SMCHD1: variants seen among roughly 807,000 people sequenced by gnomAD.
SMCHD1 encodes the protein structural maintenance of chromosomes flexible hinge domain-containing protein 1.
Under a neutral mutation model 254.7 loss-of-function variants are expected in SMCHD1, and 78 were observed. That is an observed-to-expected ratio of 0.31 (90% CI 0.26 to 0.37). The LOEUF (loss-of-function observed/expected upper bound fraction) is 0.37, where lower values mean the gene tolerates loss of function less well. Among genes scored for constraint, SMCHD1 ranks in the 10% least tolerant of loss-of-function variants. The pLI, the probability that SMCHD1 is intolerant of heterozygous loss-of-function variation, is 1.00. For missense variants in SMCHD1, 1,840 were observed against 2,408.1 expected, an observed-to-expected ratio of 0.76 and a Z score of 4.94; for synonymous variants, 766 against 794.9, an observed-to-expected ratio of 0.96 and a Z score of 0.61.
chr18:2,694,194 A>G (rs2074241636), intron 7 of SMCHD1, among the ~76,000 whole-genome samples: 1 of 152,184 alleles, frequency 6.6e-6, no homozygotes, highest in Non-Finnish European at 1.5e-5. Context: ...CGTTCATTCT[A>G]CCCTAGGGGT....
intron 17 of SMCHD1, among the ~76,000 whole-genome samples, chr18:2,709,512 A>G (rs1011595584): frequency 6.6e-6 from 1 of 152,128 alleles, no homozygotes; most frequent in Non-Finnish European, 1.5e-5. Flanking sequence ...CAGTTTCTCC[A>G]TGTCACCCCC....
In SMCHD1 at chr18:2,751,401, A is replaced by C; in HGVS notation, c.4281+8A>C. 6.7e-7 allele frequency: 1 copy of C among 1,495,554 alleles called. No individual in the cohort carries two copies. The highest frequency in any genetic ancestry group is 9.0e-7 in the Non-Finnish European group (1 of 1,107,960). The allele number at this position is 1,495,554 out of a possible 1,614,324, so 92.6% of individuals were successfully genotyped here. On this transcript the variant is annotated splice_region_variant and intron_variant, in intron 33 of 47. Coordinates refer to ENST00000320876, the MANE Select transcript of SMCHD1 (RefSeq NM_015295.3). ...AACCGACCCCCAGCAAATGTGAGTC[A>C]TGGGAAGCATTTTTTGAAGTTAAAA...
rs143271292 is a variant in SMCHD1, at chr18:2,765,611, A to G, written c.4719+1822A>G. On this transcript the variant is annotated intron_variant, in intron 37 of 47. Transcript: ENST00000320876. Reference sequence around the variant, plus strand: ...CTGCATTTCTAATTTATTTGGTGAAATCTAAAGATCTGTCAACACTGGGTG... The same window carrying G: ...CTGCATTTCTAATTTATTTGGTGAAGTCTAAAGATCTGTCAACACTGGGTG... Among the ~76,000 whole-genome samples, 727 of 152,284 alleles carry G rather than the reference A, an allele frequency of 4.8e-3. 3 individuals are homozygous for G. Among genetic ancestry groups the G allele is most frequent in the Admixed American group, 7.3e-3 (111 of 15,298 alleles).
chr18:2,682,285 G>A (rs988430293), intron 5 of SMCHD1, among the ~76,000 whole-genome samples: 5 of 150,104 alleles, frequency 3.3e-5, no homozygotes, highest in Non-Finnish European at 5.9e-5. Context: ...GATCCTCTTC[G>A]CTGATAACTT....
intron 17 of SMCHD1, among the ~76,000 whole-genome samples, chr18:2,715,287 G>C (rs1234464289): frequency 6.6e-6 from 1 of 152,094 alleles, no homozygotes; most frequent in African/African-American, 2.4e-5. Flanking sequence ...AGAAGGCTTT[G>C]ATCATTTTTT....
intron 7 of SMCHD1, among the ~76,000 whole-genome samples, chr18:2,691,485 A>G (rs1051711703): frequency 9.2e-5 from 14 of 152,184 alleles, no homozygotes; most frequent in Admixed American, 2.6e-4. Context: ...TTCTTGTTCT[A>G]TAGTCAACAG....
intron 5 of SMCHD1, among the ~76,000 whole-genome samples, chr18:2,674,415 A>G (rs905602290): frequency 6.6e-6 from 1 of 152,112 alleles, no homozygotes; most frequent in African/African-American, 2.4e-5. Context: ...CCCCTTTCCT[A>G]ACTCTGTATA....
At chr18:2,794,525 C>G (rs2076224750) in intron 45 of SMCHD1, among the ~76,000 whole-genome samples, 1 of 152,082 alleles carries the variant, frequency 6.6e-6, no homozygotes, top group Non-Finnish European at 1.5e-5. Context: ...AAACAAAAAA[C>G]TGAATAAACC....
At chr18:2,779,295 G>T (rs2076117639) in intron 44 of SMCHD1, among the ~76,000 whole-genome samples, 1 of 152,156 alleles carries the variant, frequency 6.6e-6, no homozygotes, top group Non-Finnish European at 1.5e-5. Context: ...GCTGGCAACT[G>T]GTACCTGTTG....
chr18:2,735,158 T>C (rs2075224378), intron 25 of SMCHD1, among the ~76,000 whole-genome samples: 1 of 151,964 alleles, frequency 6.6e-6, no homozygotes, highest in Non-Finnish European at 1.5e-5. Flanking sequence ...AAATAAAGTG[T>C]GATTCACCAC....
At position 2,743,825 on chromosome 18, in the gene SMCHD1, A is replaced by G. The variant is rs1466799195; in HGVS notation, c.3698A>G (p.Asp1233Gly). 3 of 1,613,234 alleles carry G rather than the reference A, an allele frequency of 1.9e-6. No homozygotes were observed. Among genetic ancestry groups the G allele is most frequent in the Admixed American group, 3.3e-5 (2 of 59,956 alleles). Residue 1233 changes from aspartate (D) to glycine (G), a missense_variant, in exon 29 of 48, where the codon GAT becomes GGT. Physicochemically the swap from Asp to Gly is moderately conservative, Grantham distance 94. Coordinates refer to ENST00000320876, the MANE Select transcript of SMCHD1 (RefSeq NM_015295.3). ...ATTCCAGGTCCTCCTGGAAATAAGG[A>G]TCTTTGTTTTACTTGGCGTGAGTTT... is the stretch of plus-strand genomic sequence containing the variant. ...KFIPGPPGNK[D>G]LCFTWREFSD...
At chr18:2,711,075 C>G (rs2074655700) in intron 17 of SMCHD1, among the ~76,000 whole-genome samples, 1 of 152,074 alleles carries the variant, frequency 6.6e-6, no homozygotes, top group South Asian at 2.1e-4. Flanking sequence ...CTCCTGGGCT[C>G]AAGTGGTCCT....
At position 2,804,452 on chromosome 18, in the gene SMCHD1, C is replaced by A. The variant is rs1052560711; in HGVS notation, c.*1900C>A. On this transcript the variant is annotated 3_prime_UTR_variant, in exon 48 of 48. Transcript: ENST00000320876. ...TGCCAATTTTTATTGCTTAAAATGG[C>A]GAGTTCTATGGATATTATCTAGCCC... The A allele has an allele frequency of 6.6e-6, 1 of 151,960 alleles. No homozygotes were observed. Among genetic ancestry groups the A allele is most frequent in the Non-Finnish European group, 1.5e-5 (1 of 68,000 alleles). The allele number at this position is 151,960 out of a possible 1,614,324, so 9.4% of individuals were successfully genotyped here.
At chr18:2,798,386 ACT>A (rs1380733845) in intron 47 of SMCHD1, among the ~76,000 whole-genome samples, 1 of 152,074 alleles carries the variant, frequency 6.6e-6, no homozygotes, top group Non-Finnish European at 1.5e-5. Context: ...AGAAAGAAAG[ACT>A]CTTTGCAGTG....
chr18:2,747,368 T>G (rs766348473), intron 29 of SMCHD1, among the ~76,000 whole-genome samples, 154 bp from the exon 30 acceptor site: 21 of 152,226 alleles, frequency 1.4e-4, no homozygotes, highest in Non-Finnish European at 2.6e-4. Context: ...TCACACAATT[T>G]AGTTGGCTTT....
intron 42 of SMCHD1, among the ~76,000 whole-genome samples, chr18:2,777,520 G>C (rs988468975): frequency 9.0e-6 from 1 of 111,272 alleles, no homozygotes; most frequent in African/African-American, 3.3e-5. Context: ...TGGAACAGAG[G>C]CTTCTTTTTT....
At chr18:2,763,539 T>A in intron 36 of SMCHD1, 98 bp from the exon 37 acceptor site, 1 of 966,378 alleles carries the variant, frequency 1.0e-6, no homozygotes, top group Non-Finnish European at 1.4e-6. Context: ...TAATTTAATG[T>A]TGGGGGCTCT....
At chr18:2,749,580 AT>A (rs2143613438) in intron 30 of SMCHD1, among the ~76,000 whole-genome samples, 1 of 152,344 alleles carries the variant, frequency 6.6e-6, no homozygotes, top group Non-Finnish European at 1.5e-5. Context: ...TGCAGCAAAA[AT>A]TTGAGAAGTG....
At chr18:2,757,862 G>A (rs2075710757) in intron 34 of SMCHD1, among the ~76,000 whole-genome samples, 1 of 151,814 alleles carries the variant, frequency 6.6e-6, no homozygotes, top group Admixed American at 6.6e-5. Context: ...TTGTTATTAG[G>A]TACATACAGA....
Sources: gnomAD v4.1 joint callset for allele counts (sites outside exome capture counted in the v4.1 genomes callset) on GRCh38, gnomAD v4.1.1 for gene constraint, MANE v1.5 for transcripts, NCBI Gene and HGNC (gene_info 2026-07-23, HGNC 2026-07-21) for gene names.